Variants in TACC2 observed in about 807,000 individuals in gnomAD.
The protein encoded by TACC2 is transforming acidic coiled-coil-containing protein 2.
Under a neutral mutation model 227.3 loss-of-function variants are expected in TACC2, and 137 were observed. The observed-to-expected ratio is 0.60, with a 90% CI of 0.52 to 0.69. The LOEUF is 0.69. TACC2 is among the 30% of genes least tolerant of loss of function. The pLI is 0.00. For synonymous variants in TACC2, 1,523 were observed against 1,487.5 expected (o/e 1.02, Z -0.55); for missense variants, 3,470 against 3,694.4 (o/e 0.94, Z 1.57).
intron 7 of TACC2, among the ~76,000 whole-genome samples, chr10:122,156,355 C>G (rs2139656154): frequency 6.6e-6 from 1 of 151,460 alleles, no homozygotes; most frequent in East Asian, 2.0e-4. Flanking sequence ...TCCCGAGTAA[C>G]TGGGACAACA....
chr10:122,154,310 G>A (rs1324251611), intron 7 of TACC2, among the ~76,000 whole-genome samples: 1 of 152,246 alleles, frequency 6.6e-6, no homozygotes, highest in African/African-American at 2.4e-5. Context: ...GTATAAACTG[G>A]TCTTAAGATC....
chr10:122,182,468 CA>C (rs1336869573), intron 7 of TACC2, among the ~76,000 whole-genome samples: 1 of 152,096 alleles, frequency 6.6e-6, no homozygotes, highest in Non-Finnish European at 1.5e-5. Flanking sequence ...TTGCAAACTG[CA>C]TGTAAGGTGT....
chr10:122,230,531 G>A, intron 16 of TACC2, 91 bp downstream of exon 16: 7 of 1,165,824 alleles, frequency 6.0e-6, no homozygotes, highest in Non-Finnish European at 8.9e-6. Context: ...TCCGCCAGGC[G>A]GGCATCATCG....
chr10:122,157,069 G>T (rs1256571392), intron 7 of TACC2, among the ~76,000 whole-genome samples: 2 of 152,164 alleles, frequency 1.3e-5, no homozygotes, highest in Non-Finnish European at 2.9e-5. Flanking sequence ...ATGAGATTGT[G>T]CCATCGCTCT....
At chr10:122,000,079 A>G (rs545710817) in intron 1 of TACC2, among the ~76,000 whole-genome samples, 94 of 152,330 alleles carry the variant, frequency 6.2e-4, no homozygotes, top group Non-Finnish European at 1.1e-3. Flanking sequence ...ATGAAGTGCA[A>G]CGGGGAAATT....
intron 5 of TACC2, among the ~76,000 whole-genome samples, chr10:122,099,485 C>T (rs1479782911): frequency 2.0e-5 from 3 of 152,210 alleles, no homozygotes; most frequent in South Asian, 4.1e-4. Context: ...CCTTCTGACA[C>T]ACTCAGCTGG....
chr10:122,241,201 C>T (rs1047669345), intron 18 of TACC2, among the ~76,000 whole-genome samples: 4 of 152,128 alleles, frequency 2.6e-5, no homozygotes, highest in Non-Finnish European at 5.9e-5. Context: ...GTGTTCATGA[C>T]GTGGTGTGGA....
At chr10:122,242,036 C>G in intron 19 of TACC2, 35 bp downstream of exon 19, 1 of 1,602,534 alleles carries the variant, frequency 6.2e-7, no homozygotes, top group Non-Finnish European at 8.6e-7. Flanking sequence ...TCAGGCCGGC[C>G]CCGATGTTTC....
At chr10:122,010,822 C>T (rs1955830691) in intron 1 of TACC2, among the ~76,000 whole-genome samples, 2 of 152,200 alleles carry the variant, frequency 1.3e-5, no homozygotes, top group Non-Finnish European at 2.9e-5. Context: ...ACAAACCACC[C>T]CAACACTTAG....
Position 122,011,423 on chromosome 10 carries a change from G to A in TACC2, c.-45-10514G>A, listed in dbSNP as rs553797076. Among the ~76,000 whole-genome samples, 73 of 152,098 alleles carry A rather than the reference G, an allele frequency of 4.8e-4. 1 individual carries two copies. Among genetic ancestry groups the A allele is most frequent in the Admixed American group, 1.5e-3 (23 of 15,286 alleles). On this transcript the variant is annotated intron_variant, in intron 1 of 22. Coordinates refer to ENST00000369005, the MANE Select transcript of TACC2 (RefSeq NM_206862.4). ...CGGCTCACTGCAACCTCCACTTCCC[G>A]GGTTCAAGCGATTCTCCTGCCTTAG...
chr10:122,009,999 C>T (rs11200324), intron 1 of TACC2, among the ~76,000 whole-genome samples: 22,878 of 152,152 alleles, frequency 0.15, 2,096 homozygotes, highest in Admixed American at 0.24. Context: ...CTGATGTTAG[C>T]GAAAACTCTC....
chr10:122,008,487 C>A (rs1267561623), intron 1 of TACC2, among the ~76,000 whole-genome samples: 1 of 150,570 alleles, frequency 6.6e-6, no homozygotes, highest in African/African-American at 2.4e-5. Flanking sequence ...CTCGAACTCC[C>A]GACCTCAGGT....
intron 3 of TACC2, among the ~76,000 whole-genome samples, chr10:122,074,713 A>G (rs888768859): frequency 2.4e-4 from 36 of 152,138 alleles, no homozygotes; most frequent in Non-Finnish European, 3.1e-4. Context: ...TGATTGATGG[A>G]GAGAAAAATA....
chr10:122,144,425 T>C (rs1203136356), intron 7 of TACC2, among the ~76,000 whole-genome samples: 1 of 152,206 alleles, frequency 6.6e-6, no homozygotes, highest in African/African-American at 2.4e-5. Flanking sequence ...GTTTTGATTA[T>C]AAATCATTAA....
At chr10:122,100,982 G>C (rs56164303) in intron 5 of TACC2, among the ~76,000 whole-genome samples, 1 of 152,054 alleles carries the variant, frequency 6.6e-6, no homozygotes, top group East Asian at 1.9e-4. Flanking sequence ...AAGCCTTCCC[G>C]ACCCTTCCAC....
chr10:122,246,130 T>A (rs1343085620), intron 19 of TACC2, among the ~76,000 whole-genome samples: 1 of 152,158 alleles, frequency 6.6e-6, no homozygotes, highest in Non-Finnish European at 1.5e-5. Flanking sequence ...AGCATCTGCG[T>A]CACTGGGGAA....
At chr10:122,059,062 T>TTA (rs2076507739) in intron 3 of TACC2, among the ~76,000 whole-genome samples, 1 of 86,920 alleles carries the variant, frequency 1.2e-5, no homozygotes, top group Non-Finnish European at 2.4e-5. Flanking sequence ...CTGGCTAATT[T>TTA]GTTGTTGTTG....
At chr10:122,111,705 A>T (rs1378578160) in intron 5 of TACC2, among the ~76,000 whole-genome samples, 1 of 151,558 alleles carries the variant, frequency 6.6e-6, no homozygotes, top group Non-Finnish European at 1.5e-5. Context: ...CATGTTGGCC[A>T]GGATGGTCTC....
At position 122,081,560 on chromosome 10, in the gene TACC2, C is replaced by T. The variant is rs1386548382; in HGVS notation, c.147-1087C>T. Among the ~76,000 whole-genome samples, 3 of 145,386 alleles carry T rather than the reference C, an allele frequency of 2.1e-5. No homozygotes were observed. The East Asian group carries it at 6.1e-4, about 29-fold the overall frequency. ...AAAAAAAAAAGGCACAGCATTAAAA[C>T]TGTGTAGAATTGAGCAACATAGTCC... is the stretch of plus-strand genomic sequence containing the variant. On this transcript the variant is annotated intron_variant, in intron 3 of 22. Transcript: ENST00000369005.
Sources: gnomAD v4.1 joint callset for allele counts (sites outside exome capture counted in the v4.1 genomes callset) on GRCh38, gnomAD v4.1.1 for gene constraint, MANE v1.5 for transcripts, NCBI Gene and HGNC (gene_info 2026-07-23, HGNC 2026-07-21) for gene names.